GFRA2: variants seen among roughly 807,000 people sequenced by gnomAD.
The protein encoded by GFRA2 is GDNF family receptor alpha 2.
A neutral mutation model predicts 48.3 loss-of-function variants in GFRA2; 17 were observed. The ratio of observed to expected loss-of-function variants is 0.35; its 90% CI spans 0.24 to 0.53. GFRA2 has a LOEUF of 0.53. GFRA2 is among the 20% of genes least tolerant of loss of function. GFRA2 has a pLI of 0.93. For missense variants in GFRA2, 660 were observed against 637.3 expected, an observed-to-expected ratio of 1.04 and a Z score of -0.38; for synonymous variants, 305 against 257.2, an observed-to-expected ratio of 1.19 and a Z score of -1.78.
rs1563209422 is a variant in GFRA2 at position 21,694,075 on chromosome 8, T to TATATATATATATATATATATATATATA, written c.1272+388_1272+389insTATATATATATATATATATATATATAT. Reference sequence around the variant, plus strand: ...TATATTTATATATATATTTATTTATTTTTATATATATATATATTTCCTATA... The same window carrying TATATATATATATATATATATATATATA: ...TATATTTATATATATATTTATTTATTATATATATATATATATATATATATATATTTATATATATATATATTTCCTATA... On this transcript the variant is annotated intron_variant, in intron 8 of 8. Coordinates refer to ENST00000524240, the MANE Select transcript of GFRA2 (RefSeq NM_001495.5). 1.5e-3 allele frequency among the ~76,000 whole-genome samples: 76 copies of TATATATATATATATATATATATATATA among 49,062 alleles called. 2 individuals are homozygous for TATATATATATATATATATATATATATA. Among genetic ancestry groups the TATATATATATATATATATATATATATA allele is most frequent in the Middle Eastern group, 0.014 (1 of 74 alleles). The allele number at this position is 49,062 out of a possible 152,430, so 32.2% of individuals were successfully genotyped here. A position where few individuals can be genotyped will look rare whatever the true frequency, so the allele number is the denominator to read the frequency against.
At chr8:21,714,106 T>C (rs1464750503) in intron 4 of GFRA2, among the ~76,000 whole-genome samples, 19 of 152,098 alleles carry the variant, frequency 1.2e-4, no homozygotes, top group East Asian at 1.9e-4. Context: ...ATACAGGAAA[T>C]TGTTATTAAT....
intron 4 of GFRA2, among the ~76,000 whole-genome samples, chr8:21,722,860 T>A (rs186040388): frequency 6.6e-6 from 1 of 152,326 alleles, no homozygotes; most frequent in Non-Finnish European, 1.5e-5. Flanking sequence ...CCTCCCCATG[T>A]AGGCAGTGCA....
intron 4 of GFRA2, among the ~76,000 whole-genome samples, chr8:21,742,515 C>T (rs1804797725): frequency 6.6e-6 from 1 of 152,190 alleles, no homozygotes; most frequent in Non-Finnish European, 1.5e-5. Context: ...GCAACCCAGT[C>T]TATGATATTC....
At chr8:21,758,235 C>T (rs967219294) in intron 3 of GFRA2, among the ~76,000 whole-genome samples, 4 of 151,788 alleles carry the variant, frequency 2.6e-5, no homozygotes, top group African/African-American at 4.8e-5. Flanking sequence ...ACACCTCACC[C>T]AGCACACAAT....
Position 21,759,543 on chromosome 8 carries a change from A to AAGGAAGGAAGGG in GFRA2, c.440-8602_440-8601insCCCTTCCTTCCT, listed in dbSNP as rs879376871. ...GAAGGAAGGAAGGAAGGAAGGAAGG[A>AAGGAAGGAAGGG]GGGAAGGAAGGAAGGAAAGAAATTT... On this transcript the variant is annotated intron_variant, in intron 3 of 8. Transcript: ENST00000524240. Among the ~76,000 whole-genome samples, 545 of 147,326 alleles carry AAGGAAGGAAGGG rather than the reference A, an allele frequency of 3.7e-3. 9 individuals are homozygous for AAGGAAGGAAGGG. The highest frequency in any genetic ancestry group is 0.011 in the African/African-American group (414 of 39,336).
At chr8:21,790,306 G>T (rs1419583824), upstream of GFRA2, among the ~76,000 whole-genome samples, 2 of 152,210 alleles carry the variant, frequency 1.3e-5, no homozygotes, top group Non-Finnish European at 2.9e-5. Flanking sequence ...CTGGGGTGGG[G>T]TACACGCAGC....
intron 4 of GFRA2, among the ~76,000 whole-genome samples, chr8:21,707,071 T>C (rs1364196695): frequency 2.0e-5 from 3 of 152,172 alleles, no homozygotes; most frequent in Non-Finnish European, 4.4e-5. Context: ...TCATATCAAC[T>C]ATGTCTCACA....
intron 6 of GFRA2, among the ~76,000 whole-genome samples, chr8:21,703,907 A>T (rs1016007442): frequency 1.3e-5 from 2 of 152,196 alleles, no homozygotes; most frequent in Admixed American, 1.3e-4. Context: ...GCCTCACAAC[A>T]CAGGCAGATT....
At chr8:21,734,946 G>A (rs1234964400) in intron 4 of GFRA2, among the ~76,000 whole-genome samples, 1 of 152,190 alleles carries the variant, frequency 6.6e-6, no homozygotes, top group Non-Finnish European at 1.5e-5. Flanking sequence ...TGCTCACTGA[G>A]AACAGAAGCT....
At chr8:21,781,837 G>A (rs1807005646) in intron 2 of GFRA2, among the ~76,000 whole-genome samples, 3 of 152,180 alleles carry the variant, frequency 2.0e-5, no homozygotes, top group African/African-American at 7.2e-5. Flanking sequence ...CCCAGGTCTG[G>A]AGGGGGAGGG....
At chr8:21,786,199 C>A (rs938533458) in intron 1 of GFRA2, among the ~76,000 whole-genome samples, 5 of 151,996 alleles carry the variant, frequency 3.3e-5, no homozygotes, top group Non-Finnish European at 1.5e-5. Context: ...ATCTCCCATG[C>A]ACACACATAC....
intron 1 of GFRA2, among the ~76,000 whole-genome samples, chr8:21,808,673 T>C (rs187149375): frequency 2.3e-4 from 35 of 152,346 alleles, no homozygotes; most frequent in Non-Finnish European, 4.0e-4. Context: ...CCAGAGGAGC[T>C]GAAGTCTCAG....
intron 7 of GFRA2, 42 bp from the exon 8 acceptor site, chr8:21,694,559 G>A: frequency 1.3e-6 from 2 of 1,580,108 alleles, no homozygotes; most frequent in African/African-American, 2.7e-5. Flanking sequence ...TCACCAGGCT[G>A]TTCCTGGCTG....
At chr8:21,710,076 C>A (rs1458671434) in intron 4 of GFRA2, among the ~76,000 whole-genome samples, 1 of 152,162 alleles carries the variant, frequency 6.6e-6, no homozygotes, top group Non-Finnish European at 1.5e-5. Flanking sequence ...AGGGGAGGGG[C>A]AGACCCAGCC....
intron 4 of GFRA2, among the ~76,000 whole-genome samples, chr8:21,711,778 A>G (rs1217900848): frequency 6.6e-6 from 1 of 151,186 alleles, no homozygotes; most frequent in East Asian, 1.9e-4. Context: ...AGGTCAGCAG[A>G]TAAACAAGTG....
At chr8:21,755,201 T>C (rs960941188) in intron 3 of GFRA2, among the ~76,000 whole-genome samples, 1 of 152,138 alleles carries the variant, frequency 6.6e-6, no homozygotes, top group Non-Finnish European at 1.5e-5. Flanking sequence ...TGAACTCTAA[T>C]GTAAACTCTA....
chr8:21,765,479 C>T (rs1490673084), intron 3 of GFRA2, among the ~76,000 whole-genome samples: 3 of 151,998 alleles, frequency 2.0e-5, no homozygotes, highest in Non-Finnish European at 2.9e-5. Flanking sequence ...TTCTCTCTCC[C>T]TCTCTGGCCC....
chr8:21,750,312 TC>T lies in GFRA2; in HGVS notation c.794+275del, dbSNP rs1805225990. 1.3e-5 allele frequency among the ~76,000 whole-genome samples: 2 copies of T among 152,082 alleles called. No homozygotes were observed. The highest frequency in any genetic ancestry group is 1.3e-4 in the Admixed American group (2 of 15,278). ...GCTCCTTGGGTTGTTCATTTTGGTT[TC>T]CCCAGCTGAGCACAAAGTAAGCAAA... On this transcript the variant is annotated intron_variant, in intron 4 of 8. Transcript: ENST00000524240. The surrounding 1 kb of genome is among the most constrained non-coding windows in gnomAD (Gnocchi z 5.7).
chr8:21,762,201 G>A (rs1425209031), intron 3 of GFRA2, among the ~76,000 whole-genome samples: 2 of 151,708 alleles, frequency 1.3e-5, no homozygotes, highest in Admixed American at 1.3e-4. Context: ...CTCCCTTCTG[G>A]GCCCCCTCAC....
Sources: allele counts gnomAD v4.1 joint callset (sites outside exome capture counted in the v4.1 genomes callset), GRCh38; gene constraint gnomAD v4.1.1; non-coding constraint Gnocchi (gnomAD v3.1); transcripts MANE v1.5; gene names NCBI Gene and HGNC (gene_info 2026-07-23, HGNC 2026-07-21).